Variants in FRMD4A observed in about 807,000 individuals in gnomAD.
FRMD4A encodes the protein FERM domain-containing protein 4A.
A neutral mutation model predicts 129.1 loss-of-function variants in FRMD4A; 29 were observed. The observed-to-expected ratio is 0.22, with a 90% CI of 0.17 to 0.31. FRMD4A has a LOEUF of 0.31. Among genes scored for constraint, FRMD4A ranks in the 10% least tolerant of loss-of-function variants. The pLI, the probability that FRMD4A is intolerant of heterozygous loss-of-function variation, is 1.00. For synonymous variants in FRMD4A, 634 were observed against 571.6 expected, an observed-to-expected ratio of 1.11 and a Z score of -1.56; for missense variants, 1,272 against 1,375.8, an observed-to-expected ratio of 0.92 and a Z score of 1.19.
At chr10:14,023,212 C>G (rs1385192246) in intron 2 of FRMD4A, among the ~76,000 whole-genome samples, 1 of 152,158 alleles carries the variant, frequency 6.6e-6, no homozygotes, top group African/African-American at 2.4e-5. Flanking sequence ...ACTTCCAACA[C>G]GAAGGTCAGA....
chr10:13,972,210 C>T, intron 2 of FRMD4A: 1 of 1,017,552 alleles, frequency 9.8e-7, no homozygotes, highest in Non-Finnish European at 1.2e-6. Context: ...GTGTTGGGAT[C>T]CCCTCCAGGG....
At position 13,894,018 on chromosome 10, in the gene FRMD4A, G is replaced by A. The variant is rs181710620; in HGVS notation, c.46-35106C>T. ...CTCCTCCTCCCCAAAGCCAGAAACA[G>A]GGATAGAGAGCTCATTTCCCTCCCT... On this transcript the variant is annotated intron_variant, in intron 2 of 24. Coordinates refer to ENST00000357447, the MANE Select transcript of FRMD4A (RefSeq NM_018027.5). 1.0e-3 allele frequency among the ~76,000 whole-genome samples: 154 copies of A among 152,254 alleles called. 1 individual carries two copies. Among genetic ancestry groups the A allele is most frequent in the Non-Finnish European group, 1.9e-3 (130 of 68,022 alleles).
At chr10:14,101,935 T>C (rs1837326130) in intron 2 of FRMD4A, among the ~76,000 whole-genome samples, 1 of 152,220 alleles carries the variant, frequency 6.6e-6, no homozygotes, top group Non-Finnish European at 1.5e-5. Context: ...TGGATGACCA[T>C]CATTACTCAG....
chr10:13,657,736 C>T (rs1589232854), intron 21 of FRMD4A, among the ~76,000 whole-genome samples: 1 of 150,980 alleles, frequency 6.6e-6, no homozygotes, highest in East Asian at 1.9e-4. Context: ...CCATGATTCC[C>T]AGTGGGAAGT....
chr10:13,884,184 A>ATGCT (rs1554956505), intron 2 of FRMD4A, among the ~76,000 whole-genome samples: 14 of 79,550 alleles, frequency 1.8e-4, no homozygotes, highest in Non-Finnish European at 1.9e-4. Context: ...ACTCACACAC[A>ATGCT]CACACACACA....
intron 20 of FRMD4A, 45 bp downstream of exon 20, chr10:13,660,271 G>T: frequency 2.5e-6 from 3 of 1,215,068 alleles, no homozygotes; most frequent in Non-Finnish European, 2.4e-6. Context: ...TTCTTCCAGA[G>T]CATAGAGGGA....
intron 4 of FRMD4A, 132 bp downstream of exon 4, chr10:13,810,682 A>G: frequency 2.1e-6 from 1 of 478,916 alleles, no homozygotes; most frequent in Non-Finnish European, 3.7e-6. Flanking sequence ...CAGATGATGA[A>G]CTTGGACTGA....
chr10:13,747,869 G>T, intron 8 of FRMD4A, 50 bp from the exon 9 acceptor site: 1 of 1,010,688 alleles, frequency 9.9e-7, no homozygotes, highest in Non-Finnish European at 1.6e-6. Flanking sequence ...GAAAATAATC[G>T]CACTCTCTGA....
intron 2 of FRMD4A, among the ~76,000 whole-genome samples, chr10:14,102,429 A>T (rs1407829844): frequency 2.6e-5 from 4 of 152,206 alleles, no homozygotes; most frequent in African/African-American, 9.6e-5. Flanking sequence ...CAGGAGCCTG[A>T]GGTAGGAGAA....
intron 6 of FRMD4A, among the ~76,000 whole-genome samples, chr10:13,778,026 C>G (rs2092640956): frequency 6.6e-6 from 1 of 151,994 alleles, no homozygotes; most frequent in South Asian, 2.1e-4. Context: ...TGGTCTCGAA[C>G]TCCTGACCTC....
chr10:13,949,313 A>AAG lies in FRMD4A; in HGVS notation c.46-90402_46-90401insCT, dbSNP rs1423718686. ...AGGTTCTAGTGATCAAAAAAAAAAA[A>AAG]AAAAAGAAAGAAAGAAAGAATAGGA... On this transcript the variant is annotated intron_variant, in intron 2 of 24. Coordinates refer to ENST00000357447, the MANE Select transcript of FRMD4A (RefSeq NM_018027.5). 2.0e-5 allele frequency among the ~76,000 whole-genome samples: 3 copies of AAG among 151,568 alleles called. No homozygotes were observed. In the East Asian group the frequency reaches 5.8e-4, roughly 29 times the overall value.
At chr10:14,017,362 A>C (rs565711909) in intron 2 of FRMD4A, among the ~76,000 whole-genome samples, 1 of 152,312 alleles carries the variant, frequency 6.6e-6, no homozygotes, top group East Asian at 1.9e-4. Flanking sequence ...GCAGTTTCAC[A>C]GGGTAAACTG....
chr10:14,009,251 C>T (rs1202133770), intron 2 of FRMD4A, among the ~76,000 whole-genome samples: 1 of 152,108 alleles, frequency 6.6e-6, no homozygotes, highest in Non-Finnish European at 1.5e-5. Flanking sequence ...ATTTCCATAG[C>T]AGAAAAAATT....
intron 2 of FRMD4A, among the ~76,000 whole-genome samples, chr10:14,197,163 C>T (rs1018719680): frequency 6.6e-6 from 1 of 152,154 alleles, no homozygotes; most frequent in African/African-American, 2.4e-5. Flanking sequence ...GGTCTGGTAC[C>T]TCAGTTGTTC....
At chr10:14,180,202 T>C (rs1335417990) in intron 2 of FRMD4A, among the ~76,000 whole-genome samples, 1 of 152,240 alleles carries the variant, frequency 6.6e-6, no homozygotes, top group Non-Finnish European at 1.5e-5. Context: ...GGGCTTGAGC[T>C]AGATACTCTT....
intron 2 of FRMD4A, among the ~76,000 whole-genome samples, chr10:13,930,893 T>C (rs915214615): frequency 2.0e-5 from 3 of 152,104 alleles, no homozygotes; most frequent in Admixed American, 2.0e-4. Flanking sequence ...AGTGCAGTGG[T>C]GCCATCACAG....
chr10:14,187,975 C>A (rs776806728), intron 2 of FRMD4A, among the ~76,000 whole-genome samples: 13 of 152,144 alleles, frequency 8.5e-5, no homozygotes, highest in Non-Finnish European at 1.9e-4. Flanking sequence ...ATTTTCCCAT[C>A]TCTAGTGTCC....
chr10:13,694,551 G>A (rs962814858), intron 14 of FRMD4A, among the ~76,000 whole-genome samples: 2 of 152,190 alleles, frequency 1.3e-5, no homozygotes, highest in African/African-American at 4.8e-5. Context: ...AGGAGAAAAT[G>A]ATTTTCAGTG....
intron 2 of FRMD4A, among the ~76,000 whole-genome samples, chr10:13,984,214 C>T (rs193120521): frequency 2.0e-5 from 3 of 152,082 alleles, no homozygotes; most frequent in South Asian, 2.1e-4. Flanking sequence ...GCCCACATGG[C>T]GGGGTTTTAT....
Sources: gnomAD v4.1 joint callset for allele counts (sites outside exome capture counted in the v4.1 genomes callset) on GRCh38, gnomAD v4.1.1 for gene constraint, MANE v1.5 for transcripts, NCBI Gene and HGNC (gene_info 2026-07-23, HGNC 2026-07-21) for gene names.